The following FAT4 variants were observed in gnomAD, a reference collection of about 807,000 sequenced individuals.
FAT4 encodes the protein FAT atypical cadherin 4.
Under a neutral mutation model 303.9 loss-of-function variants are expected in FAT4, and 84 were observed. The ratio of observed to expected loss-of-function variants is 0.28; its 90% CI spans 0.23 to 0.33. The LOEUF is 0.33. Ranked by LOEUF, FAT4 falls within the 10% of genes least tolerant of loss-of-function variation. The probability of loss-of-function intolerance (pLI) is 1.00; values close to 1 mark genes in which losing one functional copy is unlikely to be tolerated. For missense variants in FAT4, 6,005 were observed against 6,146.8 expected, an observed-to-expected ratio of 0.98 and a Z score of 0.77; for synonymous variants, 2,307 against 2,298.8, an observed-to-expected ratio of 1.00 and a Z score of -0.10.
chr4:125,438,348 CT>C (rs1437749877), intron 8 of FAT4, among the ~76,000 whole-genome samples: 1 of 152,064 alleles, frequency 6.6e-6, no homozygotes, highest in African/African-American at 2.4e-5. Flanking sequence ...GTGAATTATG[CT>C]TGTAAATTTG....
At chr4:125,387,565 T>C (rs966209799) in intron 2 of FAT4, among the ~76,000 whole-genome samples, 1 of 152,240 alleles carries the variant, frequency 6.6e-6, no homozygotes, top group Non-Finnish European at 1.5e-5. Context: ...TCTTGGATCA[T>C]GTATTCCCAC....
At position 125,414,955 on chromosome 4, in the gene FAT4, G is replaced by A; in HGVS notation, c.5992G>A (p.Gly1998Ser). The A allele has an allele frequency of 1.2e-6, 2 of 1,613,826 alleles. No homozygotes were observed. The highest frequency in any genetic ancestry group is 1.7e-6 in the Non-Finnish European group (2 of 1,179,812). The change falls in exon 6 of 18, where the codon GGT becomes AGT. Residue 1998 changes from glycine (G) to serine (S), a missense_variant. Physicochemically the swap from Gly to Ser is moderately conservative, Grantham distance 56 (BLOSUM62 0). Transcript: ENST00000394329. ...TGGGCAGTTTACTGTTGACAAGAAT[G>A]GTGTACTCAAAGTCCTAAAAGCTTT... Reference protein sequence around the residue: ...SLGQFTVDKNGVLKVLKALDR... With the variant: ...SLGQFTVDKNSVLKVLKALDR...
intron 5 of FAT4, among the ~76,000 whole-genome samples, chr4:125,410,294 G>T (rs190229399): frequency 2.0e-5 from 3 of 152,090 alleles, no homozygotes; most frequent in Admixed American, 2.0e-4. Flanking sequence ...TAATGTTAAC[G>T]ATGTTAATAA....
intron 7 of FAT4, among the ~76,000 whole-genome samples, chr4:125,430,174 G>T (rs1401550105): frequency 8.3e-6 from 1 of 120,544 alleles, no homozygotes; most frequent in South Asian, 2.7e-4. Flanking sequence ...AAAAAAAAAA[G>T]CAAACACACA....
At chr4:125,448,425 C>T (rs1238024059) in intron 9 of FAT4, 36 bp from the exon 10 acceptor site, 2 of 1,537,986 alleles carry the variant, frequency 1.3e-6, no homozygotes, top group Non-Finnish European at 1.7e-6. Flanking sequence ...TATTTAAATT[C>T]CACGTGAGTA....
chr4:125,440,610 T>TGAGAGAGAGAGAGAGAGAGAGA (rs1553925990), intron 8 of FAT4, among the ~76,000 whole-genome samples: 1 of 75,728 alleles, frequency 1.3e-5, no homozygotes, highest in African/African-American at 5.8e-5. Flanking sequence ...TGTGTGTGTG[T>TGAGAGAGAGAGAGAGAGAGAGA]GAGAGAGAGA....
chr4:125,421,394 G>C (rs953483347), intron 7 of FAT4, among the ~76,000 whole-genome samples: 6 of 152,214 alleles, frequency 3.9e-5, no homozygotes, highest in Middle Eastern at 3.4e-3. Flanking sequence ...AAATTTGCTT[G>C]TTTTAAATTT....
intron 8 of FAT4, among the ~76,000 whole-genome samples, chr4:125,438,424 G>C (rs1436049703): frequency 6.6e-6 from 1 of 152,092 alleles, no homozygotes; most frequent in African/African-American, 2.4e-5. Flanking sequence ...GGTCTGATGG[G>C]ATTGTTTTGC....
Position 125,468,533 on chromosome 4 carries a change from A to G in FAT4, c.11927A>G (p.Glu3976Gly), listed in dbSNP as rs899834524. The change falls in exon 12 of 18, where the codon GAG becomes GGG. Residue 3976 changes from glutamate to glycine, a missense_variant. Transcript: ENST00000394329. Reference protein sequence around the residue: ...CPFGVFGKHCELNSYGFEELS... With the variant: ...CPFGVFGKHCGLNSYGFEELS... ...ACAGGTGTCTTTGGAAAACACTGCGAGTTGAACAGTTATGGATTTGAGGAG... is the reference window on the plus strand; with the variant it reads ...ACAGGTGTCTTTGGAAAACACTGCGGGTTGAACAGTTATGGATTTGAGGAG... 16 of 1,584,340 alleles carry G rather than the reference A, an allele frequency of 1.0e-5. No homozygotes were observed. Among genetic ancestry groups the G allele is most frequent in the Non-Finnish European group, 1.3e-5 (15 of 1,160,380 alleles).
intron 2 of FAT4, chr4:125,394,063 A>G: frequency 2.6e-6 from 2 of 761,184 alleles, no homozygotes; most frequent in Non-Finnish European, 4.9e-6. Context: ...ATGAAACCAC[A>G]CACATTTTTA....
chr4:125,383,959 C>T (rs192848266), intron 2 of FAT4, among the ~76,000 whole-genome samples: 1 of 152,186 alleles, frequency 6.6e-6, no homozygotes, highest in Admixed American at 6.6e-5. Flanking sequence ...GACTGACATA[C>T]TTCATTGAGC....
In FAT4 at chr4:125,316,957, G is replaced by A. The variant is rs758970314; in HGVS notation, c.546G>A (p.Ala182=). The A allele has an allele frequency of 1.7e-5, 28 of 1,613,776 alleles. No individual in the cohort carries two copies. The highest frequency in any genetic ancestry group is 2.2e-5 in the East Asian group (1 of 44,876). ...ACCGCATCATCCGCGGCAATGAGGCGGGGCGCTTCCGTCTGGACATCACCC... is the reference window on the plus strand; with the variant it reads ...ACCGCATCATCCGCGGCAATGAGGCAGGGCGCTTCCGTCTGGACATCACCC... The part of the protein sequence containing the change: ...RSYRIIRGNE[A]GRFRLDITLN... The change falls in exon 2 of 18, where the codon GCG becomes GCA. Residue 182 remains alanine, a synonymous_variant. Coordinates refer to ENST00000394329, the MANE Select transcript of FAT4 (RefSeq NM_001291303.3). This position sits in a 1 kb window ranked among gnomAD's most constrained non-coding sequence, Gnocchi z 5.7.
chr4:125,369,480 A>G (rs529768039), intron 2 of FAT4, among the ~76,000 whole-genome samples: 2 of 152,222 alleles, frequency 1.3e-5, no homozygotes, highest in South Asian at 4.1e-4. Context: ...AGAAATGGCC[A>G]AGAAGAAAAA....
At chr4:125,331,469 T>G (rs1437043818) in intron 2 of FAT4, among the ~76,000 whole-genome samples, 2 of 152,224 alleles carry the variant, frequency 1.3e-5, no homozygotes, top group Non-Finnish European at 2.9e-5. Context: ...AAAAAGATAG[T>G]GGCTACATGA....
rs1730760142 is a variant in FAT4 at position 125,318,641 on chromosome 4, G to C, written c.2230G>C (p.Val744Leu). ...SRFQVNAQSG[V>L]ISTRMALDRE... ...GTTTCAGGTCAATGCTCAGAGTGGG[G>C]TTATTTCTACAAGAATGGCCCTAGA... The change falls in exon 2 of 18, where the codon GTT becomes CTT. Residue 744 changes from valine (V) to leucine (L), a missense_variant. Transcript: ENST00000394329. The C allele has an allele frequency of 1.2e-6, 2 of 1,613,972 alleles. No homozygotes were observed. The highest frequency in any genetic ancestry group is 8.5e-7 in the Non-Finnish European group (1 of 1,180,030).
In FAT4 at chr4:125,335,271, C is replaced by CA. The variant is rs1178026566; in HGVS notation, c.5175+13686dup. On this transcript the variant is annotated intron_variant, in intron 2 of 17. Coordinates refer to ENST00000394329, the MANE Select transcript of FAT4 (RefSeq NM_001291303.3). The stretch of plus-strand genomic sequence containing the variant: ...ACTTACATGAAGAAATTTTGTTGCT[C>CA]AGCAACCAAGAGAAAATATACTAAT... Among the ~76,000 whole-genome samples, 3 of 152,056 alleles carry CA rather than the reference C, an allele frequency of 2.0e-5. No homozygotes were observed. In the East Asian group the frequency reaches 5.8e-4, roughly 29 times the overall value.
intron 2 of FAT4, among the ~76,000 whole-genome samples, chr4:125,329,233 C>G (rs890380610): frequency 4.6e-5 from 7 of 152,090 alleles, no homozygotes; most frequent in Admixed American, 3.9e-4. Context: ...CTCATGATCT[C>G]TTAAATCTAC....
chr4:125,481,746 A>G lies in FAT4; in HGVS notation c.12822+8A>G, dbSNP rs749393477. ...AATTACACTACTGTGAAGGTGAGAT[A>G]AAAGCTAATGGTGACTTCATTTGAT... On this transcript the variant is annotated splice_region_variant and intron_variant, in intron 16 of 17. Coordinates refer to ENST00000394329, the MANE Select transcript of FAT4 (RefSeq NM_001291303.3). The G allele has an allele frequency of 1.2e-6, 2 of 1,612,348 alleles. No homozygotes were observed. Among genetic ancestry groups the G allele is most frequent in the African/African-American group, 1.3e-5 (1 of 75,016 alleles).
At chr4:125,464,023 T>C (rs1021547871) in intron 11 of FAT4, among the ~76,000 whole-genome samples, 4 of 152,120 alleles carry the variant, frequency 2.6e-5, no homozygotes, top group African/African-American at 9.7e-5. Context: ...TCTTTAAGAG[T>C]AGTCAAAGTA....
Sources: allele counts gnomAD v4.1 joint callset (sites outside exome capture counted in the v4.1 genomes callset), GRCh38; gene constraint gnomAD v4.1.1; non-coding constraint Gnocchi (gnomAD v3.1); transcripts MANE v1.5; gene names NCBI Gene and HGNC (gene_info 2026-07-23, HGNC 2026-07-21).